Variants in NRCAM observed in about 807,000 individuals in gnomAD.
The protein encoded by NRCAM is neuronal cell adhesion molecule, also known as NgCAM-related cell adhesion molecule.
Under a neutral mutation model 156.5 loss-of-function variants are expected in NRCAM, and 83 were observed. The observed-to-expected ratio is 0.53, with a 90% CI of 0.44 to 0.64. NRCAM has a LOEUF of 0.64. Ranked by LOEUF, NRCAM falls within the 30% of genes least tolerant of loss-of-function variation. The probability of loss-of-function intolerance (pLI) is 0.00; values close to 1 mark genes in which losing one functional copy is unlikely to be tolerated. For synonymous variants in NRCAM, 538 were observed against 563.9 expected, an observed-to-expected ratio of 0.95 and a Z score of 0.65; for missense variants, 1,417 against 1,597.3, an observed-to-expected ratio of 0.89 and a Z score of 1.92.
intron 30 of NRCAM, among the ~76,000 whole-genome samples, chr7:108,166,271 G>A (rs1011943144): frequency 2.1e-5 from 3 of 143,118 alleles, no homozygotes; most frequent in Non-Finnish European, 3.0e-5. Flanking sequence ...TTTTTGAGAC[G>A]GAGTCTTACT....
At chr7:108,412,328 T>C (rs533427956) in intron 1 of NRCAM, among the ~76,000 whole-genome samples, 1 of 152,240 alleles carries the variant, frequency 6.6e-6, no homozygotes, top group South Asian at 2.1e-4. Flanking sequence ...CACCCAAACC[T>C]GGCGTTTTGC....
intron 6 of NRCAM, among the ~76,000 whole-genome samples, chr7:108,234,273 A>C (rs2094656103): frequency 6.6e-6 from 1 of 152,184 alleles, no homozygotes; most frequent in Non-Finnish European, 1.5e-5. Flanking sequence ...GAAATGCAAT[A>C]ATCTGGGTTT....
chr7:108,308,635 T>C (rs78514731), intron 3 of NRCAM, among the ~76,000 whole-genome samples: 4,151 of 152,338 alleles, frequency 0.027, 94 homozygotes, highest in Non-Finnish European at 0.045. Flanking sequence ...ACTGTTTTCA[T>C]CATTGTCTCA....
At chr7:108,181,195 GAA>G (rs5886442) in intron 24 of NRCAM, among the ~76,000 whole-genome samples, 8 of 148,656 alleles carry the variant, frequency 5.4e-5, no homozygotes, top group Admixed American at 1.3e-4. Context: ...ATGCTAGGGG[GAA>G]AAAAAAAAAG....
rs749093378 is a variant in NRCAM at position 108,207,635 on chromosome 7, G to A, written c.1100C>T (p.Pro367Leu). ...TCCTGGGGACAGCACAAGATTTTGA[G>A]GGGCTGTGATCCAGTATGGAGCCGC... ...VKAAPYWITA[P>L]QNLVLSPGED... Residue 367 changes from proline to leucine, a missense_variant, in exon 13 of 33, where the codon CCT becomes CTT. Pro to Leu is a moderately conservative substitution (Grantham distance 98, BLOSUM62 -3). Around this residue, in one of 2 missense-constraint regions of NRCAM, gnomAD observed 1,238 missense variants for 1,336.4 expected, o/e 0.93. Transcript: ENST00000379028. 1 of 1,613,628 alleles carries A rather than the reference G, an allele frequency of 6.2e-7. No homozygotes were observed. The highest frequency in any genetic ancestry group is 1.7e-5 in the Admixed American group (1 of 59,958).
rs529751614 is a variant in NRCAM at position 108,373,556 on chromosome 7, C to T, written c.-174+25880G>A. On this transcript the variant is annotated intron_variant, in intron 2 of 32. Transcript: ENST00000379028. Reference sequence around the variant, plus strand: ...CCTACAATGGGCTAATACTAAAGCACAGGGGACAATAAGGTGGAAACTAAC... The same window carrying T: ...CCTACAATGGGCTAATACTAAAGCATAGGGGACAATAAGGTGGAAACTAAC... 3.3e-5 allele frequency among the ~76,000 whole-genome samples: 5 copies of T among 152,250 alleles called. No homozygotes were observed. The East Asian group carries it at 7.7e-4, about 24-fold the overall frequency.
intron 3 of NRCAM, among the ~76,000 whole-genome samples, chr7:108,310,215 A>G (rs2098783138): frequency 6.6e-6 from 1 of 152,184 alleles, no homozygotes; most frequent in Non-Finnish European, 1.5e-5. Flanking sequence ...CAGACTCCTT[A>G]TGGTTACTAC....
intron 32 of NRCAM, among the ~76,000 whole-genome samples, chr7:108,155,101 T>TATATATATATACACAC (rs1270777439): frequency 4.9e-5 from 6 of 123,114 alleles, no homozygotes; most frequent in South Asian, 5.3e-4. Context: ...TATATATATA[T>TATATATATATACACAC]ACACACACAC....
chr7:108,177,169 GA>G (rs1484406284), intron 26 of NRCAM, among the ~76,000 whole-genome samples: 1 of 152,066 alleles, frequency 6.6e-6, no homozygotes, highest in East Asian at 1.9e-4. Flanking sequence ...CAGATATAAA[GA>G]AAAACTAGCT....
chr7:108,417,435 C>T (rs535219735), intron 1 of NRCAM, among the ~76,000 whole-genome samples: 1 of 152,152 alleles, frequency 6.6e-6, no homozygotes, highest in African/African-American at 2.4e-5. Flanking sequence ...TTTATAATAA[C>T]AACAATCCTA....
At chr7:108,446,151 T>C (rs1162771462) in intron 1 of NRCAM, among the ~76,000 whole-genome samples, 4 of 152,130 alleles carry the variant, frequency 2.6e-5, no homozygotes, top group Non-Finnish European at 5.9e-5. Flanking sequence ...AGGTAGAAAA[T>C]TATAGAGGAA....
chr7:108,307,191 T>C (rs2098728658), intron 3 of NRCAM, among the ~76,000 whole-genome samples: 1 of 152,208 alleles, frequency 6.6e-6, no homozygotes, highest in Non-Finnish European at 1.5e-5. Flanking sequence ...AAAGGGCTCA[T>C]GTGAGCGAAG....
At chr7:108,439,832 C>CAAAAAAA (rs34432715) in intron 1 of NRCAM, among the ~76,000 whole-genome samples, 19 of 70,364 alleles carry the variant, frequency 2.7e-4, no homozygotes, top group Non-Finnish European at 3.1e-4. Context: ...GACTCCGTCA[C>CAAAAAAA]AAAAAAAAAA....
Position 108,319,387 on chromosome 7 carries a change from G to GA in NRCAM, c.-173-6657dup, listed in dbSNP as rs943171315. On this transcript the variant is annotated intron_variant, in intron 2 of 32. Transcript: ENST00000379028. Reference sequence around the variant, plus strand: ...TGAGGATGCAGTAATAAACAGAATAGAAAAAATCCCTGCCCTCATAGAGCA... The same window carrying GA: ...TGAGGATGCAGTAATAAACAGAATAGAAAAAAATCCCTGCCCTCATAGAGCA... Among the ~76,000 whole-genome samples, 6 of 152,268 alleles carry GA rather than the reference G, an allele frequency of 3.9e-5. No individual in the cohort carries two copies. The East Asian group carries it at 5.8e-4, about 15-fold the overall frequency.
chr7:108,391,980 A>G (rs1321836719), intron 2 of NRCAM, among the ~76,000 whole-genome samples: 1 of 152,178 alleles, frequency 6.6e-6, no homozygotes, highest in African/African-American at 2.4e-5. Context: ...TTGGTAACCC[A>G]ACCTTTCTCT....
intron 2 of NRCAM, among the ~76,000 whole-genome samples, chr7:108,345,968 T>C (rs1224089898): frequency 1.3e-5 from 2 of 152,206 alleles, no homozygotes. Flanking sequence ...CTGTGGGCTG[T>C]AGGAGCCTCT....
intron 1 of NRCAM, among the ~76,000 whole-genome samples, chr7:108,438,744 G>A (rs1477343104): frequency 1.3e-5 from 2 of 152,060 alleles, no homozygotes; most frequent in African/African-American, 4.8e-5. Context: ...AGGAAATCCT[G>A]AGAAATCCAT....
intron 2 of NRCAM, among the ~76,000 whole-genome samples, chr7:108,350,139 GCTCAAATGTCACTTT>G (rs2099401185): frequency 6.6e-6 from 1 of 152,106 alleles, no homozygotes; most frequent in Admixed American, 6.5e-5. Flanking sequence ...TCAGGTTTCT[GCTCAAATGTCACTTT>G]CTCAAATGTT....
Position 108,184,323 on chromosome 7 carries a change from G to A in NRCAM, c.2234-12C>T, listed in dbSNP as rs1430436476. 1 of 1,614,054 alleles carries A rather than the reference G, an allele frequency of 6.2e-7. No individual in the cohort carries two copies. Among genetic ancestry groups the A allele is most frequent in the South Asian group, 1.1e-5 (1 of 91,080 alleles). On this transcript the variant is annotated splice_polypyrimidine_tract_variant and intron_variant, in intron 21 of 32. Coordinates refer to ENST00000379028, the MANE Select transcript of NRCAM (RefSeq NM_001037132.4). Reference sequence around the variant, plus strand: ...GTTTTTATCTGGTTCTGGAAGTTAAGCAGCCACACATGTGTAAGCTTTGGC... The same window carrying A: ...GTTTTTATCTGGTTCTGGAAGTTAAACAGCCACACATGTGTAAGCTTTGGC...
Sources: allele counts gnomAD v4.1 joint callset (sites outside exome capture counted in the v4.1 genomes callset), GRCh38; gene constraint gnomAD v4.1.1; regional missense constraint gnomAD v4.1.1; transcripts MANE v1.5; gene names NCBI Gene and HGNC (gene_info 2026-07-23, HGNC 2026-07-21).